The following DGKG variants were observed in gnomAD, a reference collection of about 807,000 sequenced individuals.
DGKG encodes DAG kinase gamma.
Under a neutral mutation model 105.3 loss-of-function variants are expected in DGKG, and 78 were observed. The observed-to-expected ratio is 0.74, with a 90% CI of 0.62 to 0.89. The LOEUF (loss-of-function observed/expected upper bound fraction) is 0.89, where lower values mean the gene tolerates loss of function less well. Among genes scored for constraint, DGKG ranks in the 40% least tolerant of loss-of-function variants. DGKG has a pLI of 0.00. For missense variants in DGKG, 958 were observed against 1,020.1 expected, an observed-to-expected ratio of 0.94 and a Z score of 0.83; for synonymous variants, 346 against 367.1, an observed-to-expected ratio of 0.94 and a Z score of 0.66.
At chr3:186,175,836 C>G (rs926800264) in intron 22 of DGKG, among the ~76,000 whole-genome samples, 1 of 152,186 alleles carries the variant, frequency 6.6e-6, no homozygotes, top group Non-Finnish European at 1.5e-5. Context: ...ATGTTGGAAA[C>G]TATGCATCCA....
intron 24 of DGKG, among the ~76,000 whole-genome samples, chr3:186,154,720 G>A (rs1173311534): frequency 1.3e-5 from 2 of 152,076 alleles, no homozygotes; most frequent in Non-Finnish European, 2.9e-5. Flanking sequence ...TGCAGAGGGT[G>A]GGGAAGAAGT....
chr3:186,218,032 A>G (rs1400599762), intron 20 of DGKG, among the ~76,000 whole-genome samples: 2 of 152,192 alleles, frequency 1.3e-5, no homozygotes, highest in Admixed American at 6.5e-5. Context: ...CTGGTGAAAC[A>G]GATGCTACCC....
chr3:186,259,929 G>T (rs552183314), intron 16 of DGKG, among the ~76,000 whole-genome samples: 1 of 152,142 alleles, frequency 6.6e-6, no homozygotes, highest in African/African-American at 2.4e-5. Context: ...CCTCAAAATC[G>T]AATGATTTAG....
At chr3:186,201,170 T>A (rs972226676) in intron 21 of DGKG, among the ~76,000 whole-genome samples, 3 of 151,810 alleles carry the variant, frequency 2.0e-5, no homozygotes, top group South Asian at 2.1e-4. Flanking sequence ...TTTTTTTTTT[T>A]AAACTAGTGT....
chr3:186,321,653 G>A (rs1725081913), intron 1 of DGKG, among the ~76,000 whole-genome samples: 1 of 152,212 alleles, frequency 6.6e-6, no homozygotes, highest in African/African-American at 2.4e-5. Context: ...CAAGTCTGGG[G>A]TTCCTGGAGC....
Position 186,164,889 on chromosome 3 carries a change from G to T in DGKG, c.2216+9C>A, listed in dbSNP as rs376125008. The T allele has an allele frequency of 1.4e-5, 22 of 1,608,248 alleles. No individual in the cohort carries two copies. Among genetic ancestry groups the T allele is most frequent in the Non-Finnish European group, 1.7e-5 (20 of 1,177,398 alleles). ...GATGCAGAGGCTGTTGGGTGACAAAGAGGCATACCTGATGGTGACAGAGGC... is the reference window on the plus strand; with the variant it reads ...GATGCAGAGGCTGTTGGGTGACAAATAGGCATACCTGATGGTGACAGAGGC... On this transcript the variant is annotated intron_variant, in intron 23 of 24. Transcript: ENST00000265022.
chr3:186,150,598 C>A (rs1214543553), intron 24 of DGKG, among the ~76,000 whole-genome samples: 2 of 152,158 alleles, frequency 1.3e-5, no homozygotes, highest in African/African-American at 4.8e-5. Flanking sequence ...AGATTCCCAG[C>A]CTCCATTGCT....
intron 14 of DGKG, 69 bp from the exon 15 acceptor site, chr3:186,261,847 G>A: frequency 1.0e-6 from 1 of 996,144 alleles, no homozygotes; most frequent in Non-Finnish European, 1.5e-6. Context: ...GAGAGTTGAA[G>A]CCAAGACAGC....
In DGKG at chr3:186,150,068, TA is replaced by T; in HGVS notation, c.*21del. On this transcript the variant is annotated 3_prime_UTR_variant, in exon 25 of 25. Transcript: ENST00000265022. ...TAGTTTCTTGCTTTCTCTCTTGGTT[TA>T]GCTGGTGTTTGGCACACTGTTTAGT... 1 of 1,603,536 alleles carries T rather than the reference TA, an allele frequency of 6.2e-7. No homozygotes were observed. Among genetic ancestry groups the T allele is most frequent in the South Asian group, 1.1e-5 (1 of 89,154 alleles).
intron 24 of DGKG, among the ~76,000 whole-genome samples, chr3:186,155,597 T>C (rs139141187): frequency 3.7e-4 from 56 of 152,362 alleles, no homozygotes; most frequent in Non-Finnish European, 7.2e-4. Flanking sequence ...TATCAATCTC[T>C]CTGTATTTCT....
At chr3:186,172,296 TCCCACC>T (rs1716862011) in intron 22 of DGKG, among the ~76,000 whole-genome samples, 1 of 152,188 alleles carries the variant, frequency 6.6e-6, no homozygotes, top group African/African-American at 2.4e-5. Context: ...CTACCCTCAA[TCCCACC>T]CCCACTCCAC....
rs559393084 is a variant in DGKG, at chr3:186,248,195, T to G, written c.1761+3564A>C. 9.5e-4 allele frequency among the ~76,000 whole-genome samples: 145 copies of G among 152,350 alleles called. 1 individual carries two copies. Among genetic ancestry groups the G allele is most frequent in the African/African-American group, 3.2e-3 (133 of 41,588 alleles). On this transcript the variant is annotated intron_variant, in intron 19 of 24. Transcript: ENST00000265022. Reference sequence around the variant, plus strand: ...AGGAGGGCCATCTTATACAGGGCACTGTGTTGAGACAGGGAGGTGTGGGGA... The same window carrying G: ...AGGAGGGCCATCTTATACAGGGCACGGTGTTGAGACAGGGAGGTGTGGGGA...
chr3:186,255,312 G>A (rs983394791), intron 17 of DGKG, among the ~76,000 whole-genome samples: 1 of 152,366 alleles, frequency 6.6e-6, no homozygotes, highest in East Asian at 1.9e-4. Flanking sequence ...CGACTGTCCA[G>A]TGGGACAGAC....
intron 5 of DGKG, among the ~76,000 whole-genome samples, chr3:186,292,208 T>C (rs1026256935): frequency 6.6e-6 from 1 of 152,180 alleles, no homozygotes; most frequent in African/African-American, 2.4e-5. Flanking sequence ...ACTTTCTCCC[T>C]TGGTATCTGT....
rs1214892040 is a variant in DGKG at position 186,272,293 on chromosome 3, A to T, written c.961T>A (p.Cys321Ser). 1.2e-6 allele frequency: 2 copies of T among 1,613,950 alleles called. No individual in the cohort carries two copies. The highest frequency in any genetic ancestry group is 1.7e-5 in the Admixed American group (1 of 60,002). Residue 321 changes from cysteine (C) to serine (S), a missense_variant, in exon 11 of 25, where the codon TGT (cysteine) becomes AGT (serine). Transcript: ENST00000265022. ...ERCVSRNIPGCVKTYSKAKRS... is the reference protein window; with the variant it reads ...ERCVSRNIPGSVKTYSKAKRS... The stretch of plus-strand genomic sequence containing the variant: ...TTGGCTTTTGAGTACGTTTTGACAC[A>T]ACCAGGAATGTTTCTGGACACACAG...
intron 22 of DGKG, among the ~76,000 whole-genome samples, chr3:186,180,946 T>C (rs1717330062): frequency 6.6e-6 from 1 of 152,164 alleles, no homozygotes; most frequent in African/African-American, 2.4e-5. Flanking sequence ...CCTTCCCAGG[T>C]AAAGTGTTCA....
chr3:186,315,858 A>G (rs1724794028), intron 2 of DGKG, among the ~76,000 whole-genome samples: 1 of 152,140 alleles, frequency 6.6e-6, no homozygotes, highest in Admixed American at 6.5e-5. Context: ...AATGTGAGCC[A>G]GGCCTGTGAC....
chr3:186,260,057 T>C (rs1410547154), intron 16 of DGKG, among the ~76,000 whole-genome samples: 3 of 152,154 alleles, frequency 2.0e-5, no homozygotes, highest in Admixed American at 2.0e-4. Flanking sequence ...TGACTGACAA[T>C]GATAAGAAAA....
Position 186,279,964 on chromosome 3 carries a change from C to T in DGKG, c.679G>A (p.Glu227Lys), listed in dbSNP as rs746794042. 8 of 1,613,858 alleles carry T rather than the reference C, an allele frequency of 5.0e-6. No homozygotes were observed. The highest frequency in any genetic ancestry group is 5.9e-6 in the Non-Finnish European group (7 of 1,179,944). ...TCGTAGTCCATCCCTTGCAGCATCT[C>T]CTTCAATATCTGTGGAATCCAAAGA... Reference protein sequence around the residue: ...DPTELRPILKEMLQGMDYDRD... With the variant: ...DPTELRPILKKMLQGMDYDRD... The change falls in exon 9 of 25, where the codon GAG becomes AAG. Residue 227 changes from glutamate (E) to lysine (K), a missense_variant. This residue lies in a region of DGKG where 643 missense variants were observed against 619.5 expected (regional missense o/e 1.04). Transcript: ENST00000265022.
Sources: allele counts gnomAD v4.1 joint callset (sites outside exome capture counted in the v4.1 genomes callset), GRCh38; gene constraint gnomAD v4.1.1; regional missense constraint gnomAD v4.1.1; transcripts MANE v1.5; gene names NCBI Gene and HGNC (gene_info 2026-07-23, HGNC 2026-07-21).